The following SLC38A4 variants were observed in gnomAD, a reference collection of about 807,000 sequenced individuals.
SLC38A4 encodes the protein solute carrier family 38 member 4, also known as sodium-coupled neutral amino acid transporter 4.
SLC38A4 carries 20 observed loss-of-function variants against 63.1 expected under a neutral mutation model. The ratio of observed to expected loss-of-function variants is 0.32; its 90% CI spans 0.22 to 0.46. The LOEUF (loss-of-function observed/expected upper bound fraction) is 0.46. Ranked by LOEUF, SLC38A4 falls within the 20% of genes least tolerant of loss-of-function variation. The pLI is 1.00. For synonymous variants in SLC38A4, 230 were observed against 225.5 expected (o/e 1.02, Z -0.18); for missense variants, 526 against 663.6 (o/e 0.79, Z 2.28).
At chr12:46,820,991 T>C (rs1939534469) in intron 1 of SLC38A4, among the ~76,000 whole-genome samples, 1 of 152,136 alleles carries the variant, frequency 6.6e-6, no homozygotes, top group South Asian at 2.1e-4. Flanking sequence ...TAAATGTCTA[T>C]TCAAGTCCTT....
chr12:46,805,363 C>T (rs1317718241), intron 1 of SLC38A4, among the ~76,000 whole-genome samples: 2 of 151,954 alleles, frequency 1.3e-5, no homozygotes, highest in Non-Finnish European at 2.9e-5. Flanking sequence ...CAGATATATA[C>T]ACATGAAAAC....
At position 46,778,270 on chromosome 12, in the gene SLC38A4, A is replaced by G. The variant is rs1321190913; in HGVS notation, c.1073+19T>C. ...GAATTTCAAAGCAAATTAGAATGCT[A>G]AAATGATGGCTGCCTTACTCTTTAA... is the stretch of plus-strand genomic sequence containing the variant. On this transcript the variant is annotated intron_variant, in intron 12 of 16. Coordinates refer to ENST00000266579, the MANE Select transcript of SLC38A4 (RefSeq NM_018018.5). 2 of 1,609,946 alleles carry G rather than the reference A, an allele frequency of 1.2e-6. No homozygotes were observed. The highest frequency in any genetic ancestry group is 1.7e-6 in the Non-Finnish European group (2 of 1,177,296).
chr12:46,772,394 G>T (rs1437434153), intron 14 of SLC38A4, among the ~76,000 whole-genome samples: 15 of 152,020 alleles, frequency 9.9e-5, no homozygotes, highest in Non-Finnish European at 2.2e-4. Flanking sequence ...CATGGCAGGT[G>T]AAATTTTCAT....
chr12:46,769,438 G>GA lies in SLC38A4; in HGVS notation c.1300-11dup. ...TCACTGATGTACGAATCTTAAACAA[G>GA]AAAGTTCAAAGGCAAGATCATTTCT... On this transcript the variant is annotated splice_polypyrimidine_tract_variant and intron_variant, in intron 14 of 16. Coordinates refer to ENST00000266579, the MANE Select transcript of SLC38A4 (RefSeq NM_018018.5). 6.2e-7 allele frequency: 1 copy of GA among 1,610,156 alleles called. No individual in the cohort carries two copies. Among genetic ancestry groups the GA allele is most frequent in the Non-Finnish European group, 8.5e-7 (1 of 1,177,092 alleles).
At chr12:46,805,130 T>G (rs1939205659) in intron 1 of SLC38A4, among the ~76,000 whole-genome samples, 1 of 151,946 alleles carries the variant, frequency 6.6e-6, no homozygotes, top group Non-Finnish European at 1.5e-5. Flanking sequence ...TGGAGATAAA[T>G]GTATAGATCG....
At chr12:46,811,706 C>A (rs957278290) in intron 1 of SLC38A4, among the ~76,000 whole-genome samples, 1 of 151,984 alleles carries the variant, frequency 6.6e-6, no homozygotes, top group Non-Finnish European at 1.5e-5. Flanking sequence ...ACAGTAAAAA[C>A]CACCTGGGTA....
intron 2 of SLC38A4, among the ~76,000 whole-genome samples, chr12:46,800,481 C>T (rs1939109180): frequency 6.6e-6 from 1 of 151,948 alleles, no homozygotes; most frequent in African/African-American, 2.4e-5. Context: ...AGGCACTGTT[C>T]CCTCTGCTTG....
intron 15 of SLC38A4, among the ~76,000 whole-genome samples, chr12:46,768,733 C>T (rs1200114117): frequency 6.6e-6 from 1 of 152,002 alleles, no homozygotes; most frequent in Non-Finnish European, 1.5e-5. Flanking sequence ...ACACCCTATC[C>T]ACCTCTTACT....
chr12:46,814,256 T>C (rs1592194953), intron 1 of SLC38A4, among the ~76,000 whole-genome samples: 1 of 152,076 alleles, frequency 6.6e-6, no homozygotes, highest in East Asian at 1.9e-4. Flanking sequence ...TACTATTGGT[T>C]GGCACTGGGG....
chr12:46,816,314 T>G (rs1464548225), intron 1 of SLC38A4, among the ~76,000 whole-genome samples: 1 of 151,858 alleles, frequency 6.6e-6, no homozygotes, highest in Non-Finnish European at 1.5e-5. Context: ...TGCATAATAT[T>G]GACTCTGGCA....
chr12:46,780,110 G>A, intron 7 of SLC38A4, 80 bp from the exon 8 acceptor site: 1 of 1,084,228 alleles, frequency 9.2e-7, no homozygotes, highest in African/African-American at 1.6e-5. Context: ...TTTGGGATAT[G>A]TAAGATGAAC....
chr12:46,810,913 G>A (rs936324672), intron 1 of SLC38A4, among the ~76,000 whole-genome samples: 14 of 152,002 alleles, frequency 9.2e-5, no homozygotes, highest in African/African-American at 3.1e-4. Flanking sequence ...GGGCATTTAT[G>A]AGCTATTTAG....
intron 1 of SLC38A4, among the ~76,000 whole-genome samples, chr12:46,821,709 T>C (rs1171348533): frequency 6.6e-6 from 1 of 152,178 alleles, no homozygotes; most frequent in Non-Finnish European, 1.5e-5. Context: ...TTATGATTAT[T>C]TTTCCTATTT....
intron 2 of SLC38A4, among the ~76,000 whole-genome samples, chr12:46,797,775 GC>G (rs1445967947): frequency 1.3e-4 from 20 of 152,194 alleles, no homozygotes; most frequent in Middle Eastern, 3.4e-3. Flanking sequence ...GTGTCCAGGG[GC>G]CTAAATGTCA....
intron 13 of SLC38A4, 21 bp from the exon 14 acceptor site, chr12:46,775,194 T>A: frequency 1.2e-6 from 2 of 1,607,908 alleles, no homozygotes; most frequent in South Asian, 1.1e-5. Context: ...AAAAAGAGAA[T>A]GAAACCGCTT....
rs1207172080 is a variant in SLC38A4 at position 46,766,054 on chromosome 12, T to C, written c.*647A>G. 1 of 174,068 alleles carries C rather than the reference T, an allele frequency of 5.7e-6. No individual in the cohort carries two copies. Among genetic ancestry groups the C allele is most frequent in the East Asian group, 1.6e-4 (1 of 6,436 alleles). The allele number at this position is 174,068 out of a possible 1,614,324, so 10.8% of individuals were successfully genotyped here. A position where few individuals can be genotyped will look rare whatever the true frequency, so the allele number is the denominator to read the frequency against. ...TGTTTTAACATTTAAATATAGATGTTTTAACATTTACAAAAATCTATTGAA... is the reference window on the plus strand; with the variant it reads ...TGTTTTAACATTTAAATATAGATGTCTTAACATTTACAAAAATCTATTGAA... On this transcript the variant is annotated 3_prime_UTR_variant, in exon 17 of 17. Coordinates refer to ENST00000266579, the MANE Select transcript of SLC38A4 (RefSeq NM_018018.5).
chr12:46,771,181 C>G (rs1938408492), intron 14 of SLC38A4, among the ~76,000 whole-genome samples: 1 of 152,122 alleles, frequency 6.6e-6, no homozygotes, highest in South Asian at 2.1e-4. Flanking sequence ...TTTTCCTCAG[C>G]AGCCTATAAT....
At position 46,788,107 on chromosome 12, in the gene SLC38A4, A is replaced by G; in HGVS notation, c.211-76T>C. ...CTTTAGGGGTTATCCTTATTCTCAC[A>G]TTATCTGCAGATTACAGTCCAAAAT... On this transcript the variant is annotated intron_variant, in intron 4 of 16. Coordinates refer to ENST00000266579, the MANE Select transcript of SLC38A4 (RefSeq NM_018018.5). The G allele has an allele frequency of 6.5e-6, 7 of 1,070,280 alleles. 1 individual carries two copies. The South Asian group carries it at 9.9e-5, about 15-fold the overall frequency. The allele number at this position is 1,070,280 out of a possible 1,614,324, so 66.3% of individuals were successfully genotyped here.
In SLC38A4 at chr12:46,803,713, A is replaced by G. The variant is rs1254747275; in HGVS notation, c.-223T>C. Reference sequence around the variant, plus strand: ...TTTAGAGATCTAGACATTGATTTAAAGACCAGTGGGAGTGAACGAGACAAG... The same window carrying G: ...TTTAGAGATCTAGACATTGATTTAAGGACCAGTGGGAGTGAACGAGACAAG... On this transcript the variant is annotated 5_prime_UTR_variant, in exon 2 of 17. Transcript: ENST00000266579. 1 of 151,936 alleles carries G rather than the reference A, an allele frequency of 6.6e-6. No homozygotes were observed. The highest frequency in any genetic ancestry group is 1.9e-4 in the East Asian group (1 of 5,156). The allele number at this position is 151,936 out of a possible 1,614,324, so 9.4% of individuals were successfully genotyped here.
Sources: allele counts gnomAD v4.1 joint callset (sites outside exome capture counted in the v4.1 genomes callset), GRCh38; gene constraint gnomAD v4.1.1; transcripts MANE v1.5; gene names NCBI Gene and HGNC (gene_info 2026-07-23, HGNC 2026-07-21).